Variants in CFAP100 observed in about 807,000 individuals in gnomAD.
The protein encoded by CFAP100 is cilia and flagella associated protein 100.
Under a neutral mutation model 81.5 loss-of-function variants are expected in CFAP100, and 70 were observed. The observed-to-expected ratio is 0.86, with a 90% CI of 0.71 to 1.05. The LOEUF (loss-of-function observed/expected upper bound fraction) is 1.05, where lower values mean the gene tolerates loss of function less well. Ranked by LOEUF, CFAP100 falls within the 50% of genes least tolerant of loss-of-function variation. The pLI, the probability that CFAP100 is intolerant of heterozygous loss-of-function variation, is 0.00. For synonymous variants in CFAP100, 341 were observed against 314.8 expected, an observed-to-expected ratio of 1.08 and a Z score of -0.88; for missense variants, 811 against 776.5, an observed-to-expected ratio of 1.04 and a Z score of -0.53.
intron 13 of CFAP100, among the ~76,000 whole-genome samples, chr3:126,424,787 G>T (rs2083384328): frequency 6.6e-6 from 1 of 152,268 alleles, no homozygotes; most frequent in African/African-American, 2.4e-5. Flanking sequence ...GGGCTAAAAT[G>T]GAGGGTGACA....
At chr3:126,432,343 A>G (rs1347613424) in intron 13 of CFAP100, among the ~76,000 whole-genome samples, 1 of 151,294 alleles carries the variant, frequency 6.6e-6, no homozygotes, top group Non-Finnish European at 1.5e-5. Flanking sequence ...CTGCTCCTAG[A>G]TATATATTCG....
chr3:126,406,208 C>T lies in CFAP100; in HGVS notation c.50-964C>T, dbSNP rs144247673. 8.0e-4 allele frequency among the ~76,000 whole-genome samples: 122 copies of T among 152,306 alleles called. No individual in the cohort carries two copies. The East Asian group carries it at 0.021, about 26-fold the overall frequency. On this transcript the variant is annotated intron_variant, in intron 2 of 16. Transcript: ENST00000352312. The stretch of plus-strand genomic sequence containing the variant: ...GGCCCCGAAGGCCTCTGAGTTTCAG[C>T]CCAGGCCTGGCCTTCCCGCCTGTCC...
chr3:126,433,414 C>T (rs1376681928), intron 14 of CFAP100: 4 of 576,568 alleles, frequency 6.9e-6, no homozygotes, highest in African/African-American at 3.7e-5. Flanking sequence ...TCATCCATTG[C>T]TTCATTCTTT....
rs368926593 is a variant in CFAP100 at position 126,420,203 on chromosome 3, C to A, written c.1056C>A (p.Ser352Arg). Reference protein sequence around the residue: ...LSSPQQGSQPSESSGGDSRGS... With the variant: ...LSSPQQGSQPRESSGGDSRGS... ...GCCCCCAGCAAGGCAGCCAGCCCAG[C>A]GAGTCCAGCGGTGGCGACTCCAGAG... The change falls in exon 11 of 17, where the codon AGC becomes AGA. Residue 352 changes from serine (S) to arginine (R), a missense_variant. By Grantham distance (110) the Ser-to-Arg change is moderately radical (BLOSUM62 -1). Transcript: ENST00000352312. 18 of 1,612,490 alleles carry A rather than the reference C, an allele frequency of 1.1e-5. No homozygotes were observed. Among genetic ancestry groups the A allele is most frequent in the Admixed American group, 1.0e-4 (6 of 60,010 alleles).
intron 3 of CFAP100, among the ~76,000 whole-genome samples, chr3:126,412,235 T>C (rs1423955840): frequency 6.6e-6 from 1 of 152,252 alleles, no homozygotes; most frequent in East Asian, 1.9e-4. Context: ...CTTCTCTTCC[T>C]GCACTCCTTG....
At chr3:126,414,339 C>G (rs1166186598) in intron 4 of CFAP100, 160 bp downstream of exon 4, 1 of 723,694 alleles carries the variant, frequency 1.4e-6, no homozygotes, top group South Asian at 1.4e-5. Flanking sequence ...CAGCTGGAAA[C>G]CTTACCTGGC....
At chr3:126,429,414 T>G (rs1933098777) in intron 13 of CFAP100, among the ~76,000 whole-genome samples, 1 of 152,086 alleles carries the variant, frequency 6.6e-6, no homozygotes, top group African/African-American at 2.4e-5. Context: ...TTTATGTTAA[T>G]CTTCTTTTCT....
intron 4 of CFAP100, among the ~76,000 whole-genome samples, chr3:126,415,325 C>G (rs1200637112): frequency 6.6e-6 from 1 of 151,218 alleles, no homozygotes; most frequent in Non-Finnish European, 1.5e-5. Flanking sequence ...CACTCAAACC[C>G]TCCCCCACCC....
intron 13 of CFAP100, 178 bp from the exon 14 acceptor site, chr3:126,432,891 T>C (rs1933286978): frequency 6.0e-6 from 3 of 503,884 alleles, no homozygotes; most frequent in Admixed American, 3.8e-5. Context: ...TTTTACATTT[T>C]CCCCTACATT....
At chr3:126,424,219 T>C (rs1271496870) in intron 13 of CFAP100, among the ~76,000 whole-genome samples, 1 of 152,166 alleles carries the variant, frequency 6.6e-6, no homozygotes, top group Non-Finnish European at 1.5e-5. Flanking sequence ...CACGAGGACA[T>C]GGGCATGGCG....
At chr3:126,414,383 G>A (rs1033330923) in intron 4 of CFAP100, 6 of 677,878 alleles carry the variant, frequency 8.9e-6, no homozygotes, top group East Asian at 2.7e-5. Flanking sequence ...CCATCTTCCC[G>A]TCTGTCACCA....
At chr3:126,427,799 TATG>T (rs1933019041) in intron 13 of CFAP100, among the ~76,000 whole-genome samples, 1 of 152,184 alleles carries the variant, frequency 6.6e-6, no homozygotes, top group South Asian at 2.1e-4. Flanking sequence ...CTCCTGGGCA[TATG>T]ATGATGTACA....
At chr3:126,407,302 C>T (rs377104172) in intron 3 of CFAP100, 50 bp downstream of exon 3, 2 of 1,237,078 alleles carry the variant, frequency 1.6e-6, no homozygotes, top group Non-Finnish European at 2.4e-6. Context: ...GAGGCAACTC[C>T]TCTCCCTCTG....
At chr3:126,430,523 TTC>T (rs1206701970) in intron 13 of CFAP100, among the ~76,000 whole-genome samples, 11 of 151,876 alleles carry the variant, frequency 7.2e-5, no homozygotes, top group African/African-American at 1.2e-4. Context: ...ACTTTGCCCT[TTC>T]TCTCTCTCCT....
At chr3:126,425,809 G>A (rs902206016) in intron 13 of CFAP100, among the ~76,000 whole-genome samples, 1 of 152,148 alleles carries the variant, frequency 6.6e-6, no homozygotes, top group Non-Finnish European at 1.5e-5. Flanking sequence ...AATAAGAAAA[G>A]TCACATGATA....
chr3:126,427,829 C>T (rs1270960192), intron 13 of CFAP100, among the ~76,000 whole-genome samples: 3 of 152,204 alleles, frequency 2.0e-5, no homozygotes, highest in Non-Finnish European at 2.9e-5. Context: ...ATGATGCTGG[C>T]AGCTGCTCAG....
At position 126,420,210 on chromosome 3, in the gene CFAP100, A is replaced by T. The variant is rs2083307614; in HGVS notation, c.1063A>T (p.Ser355Cys). The change falls in exon 11 of 17, where the codon AGC becomes TGC. Residue 355 changes from serine (S) to cysteine (C), a missense_variant. Transcript: ENST00000352312. The part of the protein sequence containing the change: ...PQQGSQPSES[S>C]GGDSRGSNSP... ...GCAAGGCAGCCAGCCCAGCGAGTCC[A>T]GCGGTGGCGACTCCAGAGGGTGAGT... The T allele has an allele frequency of 6.2e-7, 1 of 1,612,356 alleles. No homozygotes were observed. Among genetic ancestry groups the T allele is most frequent in the Non-Finnish European group, 8.5e-7 (1 of 1,179,994 alleles).
rs762195194 is a variant in CFAP100 at position 126,418,534 on chromosome 3, C to T, written c.486+9C>T. ...AAATGTTCCTCCTCCAGGTAGGTCC[C>T]GTGGCCCCCAGAGCGATGGATGCCA... On this transcript the variant is annotated intron_variant, in intron 6 of 16. Transcript: ENST00000352312. 32 of 1,614,008 alleles carry T rather than the reference C, an allele frequency of 2.0e-5. 1 individual carries two copies. In the South Asian group the frequency reaches 3.1e-4, roughly 16 times the overall value.
At position 126,423,345 on chromosome 3, in the gene CFAP100, C is replaced by T; in HGVS notation, c.1103C>T (p.Pro368Leu). ...DSRGSNSPIPPTQEDTDSDGE... is the reference protein window; with the variant it reads ...DSRGSNSPIPLTQEDTDSDGE... ...CGCAGGTCGAACTCTCCCATCCCCC[C>T]CACGCAGGAGGACACCGACAGCGAT... Residue 368 changes from proline (P) to leucine (L), a missense_variant, in exon 12 of 17, where the codon CCC (proline) becomes CTC (leucine). By Grantham distance (98) the Pro-to-Leu change is moderately conservative. Coordinates refer to ENST00000352312, the MANE Select transcript of CFAP100 (RefSeq NM_182628.3). 2 of 1,613,636 alleles carry T rather than the reference C, an allele frequency of 1.2e-6. No individual in the cohort carries two copies. Among genetic ancestry groups the T allele is most frequent in the South Asian group, 1.1e-5 (1 of 90,988 alleles).
Sources: gnomAD v4.1 joint callset for allele counts (sites outside exome capture counted in the v4.1 genomes callset) on GRCh38, gnomAD v4.1.1 for gene constraint, MANE v1.5 for transcripts, NCBI Gene and HGNC (gene_info 2026-07-23, HGNC 2026-07-21) for gene names.